Variants in SORCS1 observed in about 807,000 individuals in gnomAD.
SORCS1 encodes the protein VPS10 domain-containing receptor SorCS1.
In SORCS1, 60 loss-of-function variants were observed where a neutral mutation model predicts 146.1. The observed-to-expected ratio is 0.41, with a 90% confidence interval of 0.33 to 0.51. SORCS1 has a LOEUF of 0.51. Among genes scored for constraint, SORCS1 ranks in the 20% least tolerant of loss-of-function variants. The pLI is 0.21. For synonymous variants in SORCS1, 637 were observed against 584.0 expected (o/e 1.09, Z -1.31); for missense variants, 1,352 against 1,487.6 (o/e 0.91, Z 1.50).
intron 2 of SORCS1, among the ~76,000 whole-genome samples, chr10:106,906,065 G>A (rs1951896458): frequency 6.6e-6 from 1 of 152,132 alleles, no homozygotes; most frequent in Non-Finnish European, 1.5e-5. Flanking sequence ...CCGTTTTCAT[G>A]CTGCTGATAA....
intron 2 of SORCS1, among the ~76,000 whole-genome samples, chr10:106,890,260 T>C (rs1414889200): frequency 6.6e-6 from 1 of 152,194 alleles, no homozygotes; most frequent in Non-Finnish European, 1.5e-5. Flanking sequence ...GTTGTCTTTC[T>C]CTCCCTCTCC....
intron 21 of SORCS1, among the ~76,000 whole-genome samples, chr10:106,616,555 G>C (rs911680476): frequency 2.0e-5 from 3 of 152,190 alleles, no homozygotes; most frequent in Admixed American, 2.0e-4. Context: ...AAGAGAGGCA[G>C]ACTTTGCCGC....
intron 24 of SORCS1, among the ~76,000 whole-genome samples, chr10:106,587,232 T>A (rs1845297734): frequency 6.6e-6 from 1 of 152,202 alleles, no homozygotes; most frequent in Non-Finnish European, 1.5e-5. Flanking sequence ...TAAAAAAGAC[T>A]TGTAAATGAT....
At chr10:107,022,939 T>C (rs374361396) in intron 1 of SORCS1, among the ~76,000 whole-genome samples, 2 of 152,168 alleles carry the variant, frequency 1.3e-5, no homozygotes, top group East Asian at 1.9e-4. Flanking sequence ...CACTTTTCAA[T>C]AGAGTAAAAC....
chr10:107,082,018 A>G (rs1963368469), intron 1 of SORCS1, among the ~76,000 whole-genome samples: 1 of 152,264 alleles, frequency 6.6e-6, no homozygotes, highest in African/African-American at 2.4e-5. Flanking sequence ...CCAAAGAGAC[A>G]GTGGCAGTTT....
intron 18 of SORCS1, among the ~76,000 whole-genome samples, chr10:106,629,880 C>A (rs1848334305): frequency 6.6e-6 from 1 of 152,126 alleles, no homozygotes; most frequent in African/African-American, 2.4e-5. Flanking sequence ...CCCGTCTCTA[C>A]TAAAAATACA....
In SORCS1 at chr10:106,822,782, G is replaced by GTT. The variant is rs1158921880; in HGVS notation, c.726+6790_726+6791dup. 3.8e-3 allele frequency among the ~76,000 whole-genome samples: 431 copies of GTT among 113,132 alleles called. 13 individuals carry two copies. The highest frequency in any genetic ancestry group is 4.9e-3 in the Non-Finnish European group (286 of 57,874). 74.2% of individuals were successfully genotyped at this position (113,132 alleles called of 152,430 possible). A position where few individuals can be genotyped will look rare whatever the true frequency, so the allele number is the denominator to read the frequency against. On this transcript the variant is annotated intron_variant, in intron 3 of 25. Coordinates refer to ENST00000263054, the MANE Select transcript of SORCS1 (RefSeq NM_052918.5). ...CACTATGTCTCTGAATTCATGTGTG[G>GTT]TTTTTTTTTTTTTTTTTTTTGAATA...
At chr10:106,874,449 G>A (rs1461546971) in intron 2 of SORCS1, among the ~76,000 whole-genome samples, 1 of 152,150 alleles carries the variant, frequency 6.6e-6, no homozygotes, top group East Asian at 1.9e-4. Flanking sequence ...CACTGTTTTG[G>A]TTACTTTGGA....
intron 2 of SORCS1, among the ~76,000 whole-genome samples, chr10:106,952,579 A>ATAC (rs1416813299): frequency 6.8e-6 from 1 of 148,022 alleles, no homozygotes; most frequent in Non-Finnish European, 1.5e-5. Context: ...ATATTATACT[A>ATAC]TGTTATATTA....
intron 9 of SORCS1, among the ~76,000 whole-genome samples, chr10:106,697,268 G>A (rs925804491): frequency 2.6e-5 from 4 of 152,184 alleles, no homozygotes; most frequent in South Asian, 2.1e-4. Flanking sequence ...TTCGAGATCA[G>A]CCTGGCCAAT....
At chr10:106,666,493 G>C (rs1851152175) in intron 17 of SORCS1, among the ~76,000 whole-genome samples, 1 of 151,646 alleles carries the variant, frequency 6.6e-6, no homozygotes, top group South Asian at 2.1e-4. Flanking sequence ...TTACCCTGCA[G>C]ATCTTGGGAC....
chr10:106,605,465 A>T lies in SORCS1; in HGVS notation c.3165+1701T>A, dbSNP rs1846510784. ...ACTCTAAATCTGTACCCTCTTCCAT[A>T]CTTGAAAAGATTAAAATCTGGATTT... On this transcript the variant is annotated intron_variant, in intron 23 of 25. Transcript: ENST00000263054. Among the ~76,000 whole-genome samples, 3 of 152,330 alleles carry T rather than the reference A, an allele frequency of 2.0e-5. No homozygotes were observed. The South Asian group carries it at 6.2e-4, about 32-fold the overall frequency.
intron 1 of SORCS1, among the ~76,000 whole-genome samples, chr10:107,057,499 A>G (rs1197605813): frequency 2.6e-5 from 4 of 152,172 alleles, no homozygotes; most frequent in Admixed American, 6.5e-5. Context: ...CAAGGGCCCA[A>G]TTGCATTCAA....
At chr10:106,865,079 G>A (rs1447693990) in intron 2 of SORCS1, among the ~76,000 whole-genome samples, 1 of 152,068 alleles carries the variant, frequency 6.6e-6, no homozygotes, top group Non-Finnish European at 1.5e-5. Context: ...GAGAGACATA[G>A]GTGACCAGGG....
At chr10:106,973,243 AAAG>A (rs1203874417) in intron 1 of SORCS1, among the ~76,000 whole-genome samples, 1 of 152,210 alleles carries the variant, frequency 6.6e-6, no homozygotes, top group Non-Finnish European at 1.5e-5. Flanking sequence ...GATTTCCAGT[AAAG>A]AAGGTTAAGG....
intron 1 of SORCS1, among the ~76,000 whole-genome samples, chr10:107,042,427 A>G (rs972791438): frequency 1.3e-5 from 2 of 152,296 alleles, no homozygotes; most frequent in African/African-American, 4.8e-5. Context: ...AGGCTGGTAA[A>G]TAAGTTTTCT....
At chr10:106,843,177 T>C (rs897516345) in intron 2 of SORCS1, among the ~76,000 whole-genome samples, 8 of 152,148 alleles carry the variant, frequency 5.3e-5, no homozygotes, top group Non-Finnish European at 1.2e-4. Flanking sequence ...AGTTACTATG[T>C]TGTAAATGAA....
chr10:106,577,831 C>CA (rs942616216), intron 25 of SORCS1: 1 of 342,314 alleles, frequency 2.9e-6, no homozygotes, highest in African/African-American at 2.1e-5. Context: ...CCCAAGCAAT[C>CA]ACACATTTAT....
At chr10:107,034,858 G>T (rs1440647739) in intron 1 of SORCS1, among the ~76,000 whole-genome samples, 2 of 151,498 alleles carry the variant, frequency 1.3e-5, no homozygotes, top group African/African-American at 4.9e-5. Context: ...CCCATAAACG[G>T]TATGTTTTAT....
Sources: gnomAD v4.1 joint callset for allele counts (sites outside exome capture counted in the v4.1 genomes callset) on GRCh38, gnomAD v4.1.1 for gene constraint, MANE v1.5 for transcripts, NCBI Gene and HGNC (gene_info 2026-07-23, HGNC 2026-07-21) for gene names.